Variants in CACNA1A observed in about 807,000 individuals in gnomAD.
CACNA1A encodes voltage-dependent P/Q-type calcium channel subunit alpha-1A.
Under a neutral mutation model 262.4 loss-of-function variants are expected in CACNA1A, and 57 were observed. The observed-to-expected ratio is 0.22, with a 90% CI of 0.18 to 0.27. CACNA1A has a LOEUF of 0.27. Ranked by LOEUF, CACNA1A falls within the 10% of genes least tolerant of loss-of-function variation. The pLI is 1.00. For missense variants in CACNA1A, 2,526 were observed against 3,562.8 expected (o/e 0.71, Z 7.41); for synonymous variants, 1,431 against 1,419.3 (o/e 1.01, Z -0.18).
intron 24 of CACNA1A, among the ~76,000 whole-genome samples, chr19:13,268,893 CTTTTTTTTTT>C (rs3050832): frequency 1.9e-4 from 21 of 107,934 alleles, no homozygotes; most frequent in South Asian, 1.2e-3. Context: ...ATAGATTCTA[CTTTTTTTTTT>C]TTTTTTTTTT....
At chr19:13,411,737 G>C (rs915378613) in intron 3 of CACNA1A, among the ~76,000 whole-genome samples, 3 of 148,534 alleles carry the variant, frequency 2.0e-5, no homozygotes, top group Non-Finnish European at 4.5e-5. Context: ...TTTGAGACAG[G>C]GTCTCACTTT....
intron 1 of CACNA1A, 117 bp downstream of exon 1, chr19:13,505,815 G>C: frequency 1.9e-6 from 2 of 1,051,832 alleles, no homozygotes; most frequent in Non-Finnish European, 2.9e-6. Context: ...GCCCCTGGAA[G>C]ACCCCCCTCC....
chr19:13,376,544 T>A (rs893730434), intron 3 of CACNA1A, among the ~76,000 whole-genome samples: 10 of 149,352 alleles, frequency 6.7e-5, no homozygotes, highest in South Asian at 4.2e-4. Context: ...GAAAAAAATA[T>A]ATATATAATA....
At position 13,236,423 on chromosome 19, in the gene CACNA1A, A is replaced by C. The variant is rs1474908356; in HGVS notation, c.4951-693T>G. 1 of 153,166 alleles carries C rather than the reference A, an allele frequency of 6.5e-6. No individual in the cohort carries two copies. Among genetic ancestry groups the C allele is most frequent in the Middle Eastern group, 3.2e-3 (1 of 316 alleles). 9.5% of individuals were successfully genotyped at this position (153,166 alleles called of 1,614,324 possible). Reference sequence around the variant, plus strand: ...GGAGCAGCGGCTCGAGCCAATTGGGAGAAGCGGAAGAGCATCTTTTCTTAC... The same window carrying C: ...GGAGCAGCGGCTCGAGCCAATTGGGCGAAGCGGAAGAGCATCTTTTCTTAC... On this transcript the variant is annotated intron_variant, in intron 31 of 46. Coordinates refer to ENST00000360228, the MANE Select transcript of CACNA1A (RefSeq NM_001127222.2). The surrounding 1 kb of genome is among the most constrained non-coding windows in gnomAD (Gnocchi z 4.6).
Position 13,257,479 on chromosome 19 carries a change from G to C in CACNA1A, c.4461C>G (p.Ser1487=). Residue 1487 remains serine (S), a synonymous_variant, in exon 28 of 47, where the codon TCC becomes TCG. Transcript: ENST00000360228. The part of the protein sequence containing the change: ...GPSPGYRMEM[S]IFYVVYFVVF... ...CCACAAAGTAGACGACGTAGAAAAT[G>C]GACATCTCCATGCGGTACCCGGGGC... 1.2e-6 allele frequency: 2 copies of C among 1,612,876 alleles called. No homozygotes were observed. Among genetic ancestry groups the C allele is most frequent in the Middle Eastern group, 3.3e-4 (2 of 6,062 alleles).
chr19:13,406,662 G>A (rs1389519004), intron 3 of CACNA1A, among the ~76,000 whole-genome samples: 1 of 150,256 alleles, frequency 6.7e-6, no homozygotes, highest in African/African-American at 2.4e-5. Context: ...TTTGCCCTTT[G>A]ATACTGCACT....
chr19:13,457,045 T>G (rs2061025104), intron 1 of CACNA1A, among the ~76,000 whole-genome samples: 1 of 151,372 alleles, frequency 6.6e-6, no homozygotes, highest in Admixed American at 6.6e-5. Context: ...AGCACAGGAG[T>G]CCGAGACCAG....
chr19:13,265,734 C>A (rs1281413385), intron 24 of CACNA1A, among the ~76,000 whole-genome samples: 2 of 152,104 alleles, frequency 1.3e-5, no homozygotes, highest in African/African-American at 4.8e-5. Flanking sequence ...GAAAGGAAGC[C>A]TCAGGTAGAT....
At chr19:13,340,543 C>T (rs2058660990) in intron 6 of CACNA1A, among the ~76,000 whole-genome samples, 1 of 151,652 alleles carries the variant, frequency 6.6e-6, no homozygotes, top group Admixed American at 6.6e-5. Context: ...TCTCCTGCCT[C>T]ACCCTCCCAA....
chr19:13,490,688 GAAAGGAAAGAAAGAAAGAAAGAAA>G (rs1980673915), intron 1 of CACNA1A, among the ~76,000 whole-genome samples: 1 of 93,120 alleles, frequency 1.1e-5, no homozygotes, highest in African/African-American at 4.9e-5. Flanking sequence ...GAGAGAGAAA[GAAAGGAAAGAAAGAAAGAAAGAAA>G]GAAAGAAAGA....
intron 3 of CACNA1A, among the ~76,000 whole-genome samples, chr19:13,412,541 G>A (rs573698213): frequency 2.6e-4 from 39 of 150,668 alleles, no homozygotes; most frequent in East Asian, 3.9e-4. Context: ...GCAGTGGCGC[G>A]ATCTCAGCTC....
At chr19:13,284,945 G>C in intron 21 of CACNA1A, 123 bp downstream of exon 21, 1 of 893,928 alleles carries the variant, frequency 1.1e-6, no homozygotes, top group Non-Finnish European at 1.8e-6. Context: ...TTTTCAACTT[G>C]TTCAAAGGTA....
In CACNA1A at chr19:13,365,327, T is replaced by C. The variant is rs770324320; in HGVS notation, c.774A>G (p.Glu258=). 1.2e-6 allele frequency: 2 copies of C among 1,613,140 alleles called. No homozygotes were observed. Among genetic ancestry groups the C allele is most frequent in the African/African-American group, 1.3e-5 (1 of 74,922 alleles). The stretch of plus-strand genomic sequence containing the variant: ...GCTCCGTGGACCTACCTGTCCCCTC[T>C]TCAAAGCAGGTGGTATGAAATTTTC... The part of the protein sequence containing the change: ...YMGKFHTTCF[E]EGTDDIQGES... Residue 258 remains glutamate, a synonymous_variant, in exon 5 of 47, where the codon GAA becomes GAG. Coordinates refer to ENST00000360228, the MANE Select transcript of CACNA1A (RefSeq NM_001127222.2).
chr19:13,338,265 ATAATCACTGTTATGTATTCGGTCCAT>A (rs879925537), intron 6 of CACNA1A, among the ~76,000 whole-genome samples: 262 of 152,270 alleles, frequency 1.7e-3, no homozygotes, highest in Non-Finnish European at 3.1e-3. Flanking sequence ...ATACTGTATG[ATAATCACTGTTATGTATTCGGTCCAT>A]TATGGGACCA....
At chr19:13,385,613 A>C (rs62111200) in intron 3 of CACNA1A, among the ~76,000 whole-genome samples, 33,129 of 151,614 alleles carry the variant, frequency 0.22, 4,101 homozygotes, top group East Asian at 0.45. Context: ...ACTGCCTTGG[A>C]CTCCTGAGTA....
chr19:13,367,094 G>C (rs1450674229), intron 4 of CACNA1A, among the ~76,000 whole-genome samples: 1 of 151,944 alleles, frequency 6.6e-6, no homozygotes, highest in African/African-American at 2.4e-5. Flanking sequence ...AGGAGTTCAA[G>C]ACAAGTCTGG....
At chr19:13,445,656 A>C (rs944929293) in intron 3 of CACNA1A, among the ~76,000 whole-genome samples, 1 of 152,196 alleles carries the variant, frequency 6.6e-6, no homozygotes, top group African/African-American at 2.4e-5. Flanking sequence ...TTCAATATTT[A>C]TATATATTTG....
At chr19:13,425,735 G>A (rs189968628) in intron 3 of CACNA1A, among the ~76,000 whole-genome samples, 13 of 152,152 alleles carry the variant, frequency 8.5e-5, no homozygotes, top group East Asian at 3.9e-4. Context: ...CGCCTTCATC[G>A]CAGGCCTCAA....
chr19:13,380,107 A>T (rs1251073001), intron 3 of CACNA1A, among the ~76,000 whole-genome samples: 3 of 130,732 alleles, frequency 2.3e-5, no homozygotes, highest in Non-Finnish European at 4.8e-5. Context: ...AATATGGTGA[A>T]AACCCGTCTC....
Sources: allele counts gnomAD v4.1 joint callset (sites outside exome capture counted in the v4.1 genomes callset), GRCh38; gene constraint gnomAD v4.1.1; non-coding constraint Gnocchi (gnomAD v3.1); transcripts MANE v1.5; gene names NCBI Gene and HGNC (gene_info 2026-07-23, HGNC 2026-07-21).